HGSNAT: variants seen among roughly 807,000 people sequenced by gnomAD.
The protein encoded by HGSNAT is transmembrane protein 76.
A neutral mutation model predicts 85.2 loss-of-function variants in HGSNAT; 59 were observed. That is an observed-to-expected ratio of 0.69 (90% CI 0.56 to 0.86). The LOEUF (loss-of-function observed/expected upper bound fraction) is 0.86. Ranked by LOEUF, HGSNAT falls within the 40% of genes least tolerant of loss-of-function variation. The pLI is 0.00. For synonymous variants in HGSNAT, 321 were observed against 304.5 expected, an observed-to-expected ratio of 1.05 and a Z score of -0.56; for missense variants, 756 against 777.1, an observed-to-expected ratio of 0.97 and a Z score of 0.32.
At chr8:43,195,730 TAGA>T (rs1804703468) in intron 14 of HGSNAT, 10 of 26,484 alleles carry the variant, frequency 3.8e-4, no homozygotes, top group South Asian at 1.1e-3. Flanking sequence ...GAGGAGGGGG[TAGA>T]GGAAGAGGAG....
At chr8:43,185,499 CTT>C (rs1395518928) in intron 11 of HGSNAT, among the ~76,000 whole-genome samples, 1 of 152,166 alleles carries the variant, frequency 6.6e-6, no homozygotes, top group African/African-American at 2.4e-5. Context: ...TATCCTGAGA[CTT>C]TGCTGAAGTT....
At chr8:43,185,406 A>G (rs1049769383) in intron 11 of HGSNAT, among the ~76,000 whole-genome samples, 2 of 152,148 alleles carry the variant, frequency 1.3e-5, no homozygotes, top group African/African-American at 2.4e-5. Context: ...GCAATTGTGA[A>G]TGGGACTTCA....
At position 43,172,394 on chromosome 8, in the gene HGSNAT, A is replaced by G. The variant is rs754600448; in HGVS notation, c.820+8A>G. The G allele has an allele frequency of 6.3e-7, 1 of 1,579,330 alleles. No individual in the cohort carries two copies. The highest frequency in any genetic ancestry group is 2.2e-5 in the East Asian group (1 of 44,702). ...AACATGCAAGTTGGAATGGTAAGAT[A>G]TTTCCTAAAAGTAATGTTGCTTATA... On this transcript the variant is annotated splice_region_variant and intron_variant, in intron 8 of 17. Coordinates refer to ENST00000379644, the MANE Select transcript of HGSNAT (RefSeq NM_152419.3).
chr8:43,152,371 A>G (rs1802948301), intron 2 of HGSNAT, among the ~76,000 whole-genome samples: 2 of 152,238 alleles, frequency 1.3e-5, no homozygotes, highest in South Asian at 4.1e-4. Flanking sequence ...CATCCAAACA[A>G]AAAGAAAAAG....
At chr8:43,185,212 A>G (rs370862923) in intron 11 of HGSNAT, among the ~76,000 whole-genome samples, 3 of 152,198 alleles carry the variant, frequency 2.0e-5, no homozygotes, top group South Asian at 2.1e-4. Context: ...CATTGAATCT[A>G]TAAATTACCT....
In HGSNAT at chr8:43,140,591, A is replaced by G; in HGVS notation, c.95A>G (p.Asp32Gly). 8.1e-7 allele frequency: 1 copy of G among 1,235,458 alleles called. No homozygotes were observed. The highest frequency in any genetic ancestry group is 1.0e-6 in the Non-Finnish European group (1 of 981,336). The allele number at this position is 1,235,458 out of a possible 1,614,324, so 76.5% of individuals were successfully genotyped here. ...LLAPGGSSGR[D>G]AQAAPPRDLD... is the part of the protein sequence containing the mutation. ...GCCCCCGGCGGCTCTTCGGGGCGCG[A>G]TGCCCAGGCCGCGCCGCCACGAGGT... The change falls in exon 1 of 18, where the codon GAT becomes GGT. Residue 32 changes from aspartate (D) to glycine (G), a missense_variant. Asp to Gly is a moderately conservative substitution (Grantham distance 94, BLOSUM62 -1). Transcript: ENST00000379644.
chr8:43,194,999 G>A (rs895449595), intron 14 of HGSNAT, among the ~76,000 whole-genome samples: 7 of 152,136 alleles, frequency 4.6e-5, no homozygotes, highest in African/African-American at 7.2e-5. Flanking sequence ...GTGCTATCTA[G>A]TGGGACAGTC....
At chr8:43,187,452 C>T (rs1432794688) in intron 11 of HGSNAT, among the ~76,000 whole-genome samples, 2 of 152,174 alleles carry the variant, frequency 1.3e-5, no homozygotes, top group African/African-American at 4.8e-5. Context: ...TAATCAGAGA[C>T]TTGGATTGCA....
rs146420548 is a variant in HGSNAT, at chr8:43,151,163, A to T, written c.234+4100A>T. 1.4e-3 allele frequency among the ~76,000 whole-genome samples: 214 copies of T among 152,346 alleles called. 1 individual carries two copies. Among genetic ancestry groups the T allele is most frequent in the African/African-American group, 5.1e-3 (210 of 41,576 alleles). On this transcript the variant is annotated intron_variant, in intron 2 of 17. Transcript: ENST00000379644. The stretch of plus-strand genomic sequence containing the variant: ...AAAGTCGTAGTAGAGACAAATGATA[A>T]GATACTCTTACCAGGGCAAACATTT...
At chr8:43,152,799 AGATAGCCAATAACCATT>A (rs985677174) in intron 2 of HGSNAT, among the ~76,000 whole-genome samples, 5 of 152,164 alleles carry the variant, frequency 3.3e-5, no homozygotes, top group African/African-American at 1.2e-4. Flanking sequence ...TTAAGTGGAG[AGATAGCCAATAACCATT>A]GATATCAAGA....
At chr8:43,194,025 AG>A (rs1804629261) in intron 14 of HGSNAT, 182 bp downstream of exon 14, 3 of 1,365,572 alleles carry the variant, frequency 2.2e-6, no homozygotes, top group Admixed American at 6.5e-5. Context: ...AGCACATTCA[AG>A]TAATTAGATA....
rs1377632122 is a variant in HGSNAT at position 43,202,764 on chromosome 8, C to T, written c.*3195C>T. The T allele has an allele frequency of 9.9e-5, 15 of 152,200 alleles. No individual in the cohort carries two copies. Among genetic ancestry groups the T allele is most frequent in the Non-Finnish European group, 1.2e-4 (8 of 68,036 alleles). 9.4% of individuals were successfully genotyped at this position (152,200 alleles called of 1,614,324 possible). On this transcript the variant is annotated 3_prime_UTR_variant, in exon 18 of 18. Coordinates refer to ENST00000379644, the MANE Select transcript of HGSNAT (RefSeq NM_152419.3). ...GGTATCGACTTAAGTGAAATTTCAACATGCTGTTACTTTTTCCTTTTAATG... is the reference window on the plus strand; with the variant it reads ...GGTATCGACTTAAGTGAAATTTCAATATGCTGTTACTTTTTCCTTTTAATG...
chr8:43,149,904 T>C (rs1168144983), intron 2 of HGSNAT, among the ~76,000 whole-genome samples: 24 of 152,116 alleles, frequency 1.6e-4, no homozygotes. Flanking sequence ...AAGAATTTCC[T>C]GTTCTGTTTC....
At chr8:43,156,328 CAG>C (rs1803093225) in intron 2 of HGSNAT, among the ~76,000 whole-genome samples, 1 of 151,900 alleles carries the variant, frequency 6.6e-6, no homozygotes, top group Non-Finnish European at 1.5e-5. Context: ...TTTTCTGAGA[CAG>C]AGTCTCACTC....
chr8:43,192,863 A>C (rs1277217745), intron 13 of HGSNAT, among the ~76,000 whole-genome samples: 2 of 152,190 alleles, frequency 1.3e-5, no homozygotes, highest in African/African-American at 4.8e-5. Context: ...ATTTCCTGGC[A>C]GCAGACCCTG....
chr8:43,189,014 C>T (rs1368733562), intron 11 of HGSNAT, among the ~76,000 whole-genome samples: 2 of 152,148 alleles, frequency 1.3e-5, no homozygotes, highest in African/African-American at 4.8e-5. Flanking sequence ...CAGAGGGGCA[C>T]CCAGCTGTAT....
At chr8:43,196,315 GA>G (rs2130818222) in intron 14 of HGSNAT, 1 of 398,142 alleles carries the variant, frequency 2.5e-6, no homozygotes, top group East Asian at 7.5e-5. Context: ...TTTCAAAAAT[GA>G]ATACCTAATT....
chr8:43,150,015 G>A (rs1276602073), intron 2 of HGSNAT, among the ~76,000 whole-genome samples: 11 of 152,000 alleles, frequency 7.2e-5, no homozygotes, highest in Non-Finnish European at 1.6e-4. Flanking sequence ...GGAGTGCAGT[G>A]GCACGATCTC....
intron 17 of HGSNAT, among the ~76,000 whole-genome samples, chr8:43,198,459 T>C (rs577124377): frequency 4.5e-4 from 68 of 151,974 alleles, no homozygotes; most frequent in African/African-American, 1.6e-3. Flanking sequence ...AGCTAATTTT[T>C]TGTATTTTTA....
Sources: allele counts gnomAD v4.1 joint callset (sites outside exome capture counted in the v4.1 genomes callset), GRCh38; gene constraint gnomAD v4.1.1; transcripts MANE v1.5; gene names NCBI Gene and HGNC (gene_info 2026-07-23, HGNC 2026-07-21).